The following BET1 variants were observed in gnomAD, a reference collection of about 807,000 sequenced individuals.
BET1 encodes the protein BET1 homolog.
BET1 carries 9 observed loss-of-function variants against 13.9 expected under a neutral mutation model. The ratio of observed to expected loss-of-function variants is 0.65; its 90% CI spans 0.39 to 1.13. BET1 has a LOEUF of 1.13. BET1 is among the 50% of genes most tolerant of loss of function. BET1 has a pLI of 0.01. For synonymous variants in BET1, 39 were observed against 47.3 expected (o/e 0.82, Z 0.72); for missense variants, 127 against 133.6 (o/e 0.95, Z 0.24).
At chr7:93,968,247 G>A (rs1044411370) in intron 6 of BET1, 8 of 151,732 alleles carry the variant, frequency 5.3e-5, no homozygotes, top group Non-Finnish European at 1.0e-4. Flanking sequence ...TTGTCTTACA[G>A]AAATACACCT....
exon 7 of BET1, chr7:93,965,065 A>T (rs1249067153): frequency 6.6e-6 from 1 of 152,092 alleles, no homozygotes; most frequent in Non-Finnish European, 1.5e-5. Context: ...AATCCTGTTA[A>T]CATCCAGTGA....
chr7:93,980,878 AT>A (rs200551323), intron 4 of BET1, among the ~76,000 whole-genome samples: 7 of 151,090 alleles, frequency 4.6e-5, no homozygotes, highest in South Asian at 2.1e-4. Flanking sequence ...TCATTTTACC[AT>A]TTTTTTTTCT....
downstream of BET1, chr7:93,992,629 C>T: frequency 2.0e-6 from 2 of 985,122 alleles, no homozygotes; most frequent in Non-Finnish European, 2.4e-6. Context: ...TATTTCATCA[C>T]CTTGAAGCCT....
At chr7:93,968,791 A>T (rs1204740389) in intron 6 of BET1, among the ~76,000 whole-genome samples, 1 of 151,828 alleles carries the variant, frequency 6.6e-6, no homozygotes, top group Non-Finnish European at 1.5e-5. Flanking sequence ...GAAGGTATAT[A>T]CACTTATACA....
At chr7:93,992,466 G>A (rs1045112001), downstream of BET1, 1 of 985,122 alleles carries the variant, frequency 1.0e-6, no homozygotes, top group Non-Finnish European at 1.2e-6. Context: ...TTGGCCTTCT[G>A]CTCTTCCCGT....
downstream of BET1, among the ~76,000 whole-genome samples, chr7:93,989,266 G>C (rs754416500): frequency 6.6e-6 from 1 of 151,922 alleles, no homozygotes; most frequent in African/African-American, 2.4e-5. Flanking sequence ...CATCTACCTC[G>C]GCCTTCCAAA....
downstream of BET1, among the ~76,000 whole-genome samples, chr7:93,989,188 A>G (rs1346123540): frequency 1.3e-5 from 2 of 151,396 alleles, no homozygotes; most frequent in Non-Finnish European, 2.9e-5. Flanking sequence ...TAATTTTTGT[A>G]TTTTTAGTAG....
intron 4 of BET1, among the ~76,000 whole-genome samples, chr7:93,978,343 A>T (rs1023217407): frequency 6.6e-6 from 1 of 152,178 alleles, no homozygotes; most frequent in Admixed American, 6.5e-5. Flanking sequence ...TGCTGGCATT[A>T]TAGGAGTGAG....
intron 4 of BET1, among the ~76,000 whole-genome samples, chr7:93,987,884 A>G (rs184500916): frequency 6.6e-6 from 1 of 152,288 alleles, no homozygotes; most frequent in East Asian, 1.9e-4. Context: ...ATTTTAACTC[A>G]TCTTCCCTCA....
intron 1 of BET1, among the ~76,000 whole-genome samples, chr7:94,001,458 T>G (rs545357530): frequency 6.6e-6 from 1 of 152,164 alleles, no homozygotes; most frequent in Non-Finnish European, 1.5e-5. Context: ...CAGATACCTA[T>G]GCAATCTCCA....
chr7:93,991,198 T>G (rs936082491), downstream of BET1, among the ~76,000 whole-genome samples: 1 of 152,228 alleles, frequency 6.6e-6, no homozygotes, highest in Non-Finnish European at 1.5e-5. Flanking sequence ...GATGGAAGGT[T>G]AATAAATGTA....
intron 6 of BET1, chr7:93,968,250 A>G (rs904109736): frequency 6.6e-6 from 1 of 151,846 alleles, no homozygotes; most frequent in Non-Finnish European, 1.5e-5. Context: ...TCTTACAGAA[A>G]TACACCTGAT....
intron 4 of BET1, among the ~76,000 whole-genome samples, chr7:93,978,076 C>CT (rs11266825): frequency 0.1 from 14,818 of 147,662 alleles, 1,391 homozygotes; most frequent in East Asian, 0.29. Flanking sequence ...AACTTTGTTT[C>CT]TTTTTTTTTT....
chr7:93,992,056 G>A, downstream of BET1: 3 of 985,400 alleles, frequency 3.0e-6, no homozygotes, highest in Non-Finnish European at 2.4e-6. Context: ...GAGGGTGCTG[G>A]CAGAAGGATC....
intron 1 of BET1, among the ~76,000 whole-genome samples, chr7:94,000,643 G>A (rs1795881491): frequency 6.6e-6 from 1 of 152,134 alleles, no homozygotes; most frequent in Non-Finnish European, 1.5e-5. Flanking sequence ...GTTAGTCCAG[G>A]AGAAGGTGGA....
chr7:93,972,499 T>C (rs1795272787), intron 6 of BET1: 1 of 151,790 alleles, frequency 6.6e-6, no homozygotes, highest in South Asian at 2.1e-4. Context: ...ACTTAGCTGG[T>C]AATTGATGGA....
At chr7:93,990,306 T>A (rs1490187965), downstream of BET1, among the ~76,000 whole-genome samples, 1 of 152,022 alleles carries the variant, frequency 6.6e-6, no homozygotes, top group Non-Finnish European at 1.5e-5. Context: ...TATTAAATAA[T>A]GTAAAAGCTT....
chr7:93,989,011 T>TAC (rs1272398574), downstream of BET1, among the ~76,000 whole-genome samples: 424 of 149,020 alleles, frequency 2.8e-3, 5 homozygotes, highest in African/African-American at 9.8e-3. Flanking sequence ...ATATATACTG[T>TAC]TGTTGTTGTT....
At position 93,996,314 on chromosome 7, in the gene BET1, A is replaced by C. The variant is rs372513869; in HGVS notation, c.152T>G (p.Ile51Ser). 8.9e-6 allele frequency: 14 copies of C among 1,573,952 alleles called. No homozygotes were observed. Among genetic ancestry groups the C allele is most frequent in the Non-Finnish European group, 1.2e-5 (14 of 1,157,220 alleles). Residue 51 changes from isoleucine to serine, a missense_variant, in exon 3 of 4, where the codon ATT (isoleucine) becomes AGT (serine). Coordinates refer to ENST00000222547, the MANE Select transcript of BET1 (RefSeq NM_005868.6). ...GGTTTTAACTTCATGGCCTATTTCA[A>C]TGGAAAGCTATAAAGAAGAAGGTAT... The part of the protein sequence containing the change: ...SKVTAIKSLS[I>S]EIGHEVKTQN...
Sources: allele counts gnomAD v4.1 joint callset (sites outside exome capture counted in the v4.1 genomes callset), GRCh38; gene constraint gnomAD v4.1.1; transcripts MANE v1.5; gene names NCBI Gene and HGNC (gene_info 2026-07-23, HGNC 2026-07-21).